GPR137C: variants seen among roughly 807,000 people sequenced by gnomAD.
The protein encoded by GPR137C is integral membrane protein GPR137C.
In GPR137C, 27 loss-of-function variants were observed where a neutral mutation model predicts 43.4. The observed-to-expected ratio is 0.62, with a 90% CI of 0.46 to 0.86. The LOEUF is 0.86. Among genes scored for constraint, GPR137C ranks in the 40% least tolerant of loss-of-function variants. The probability of loss-of-function intolerance (pLI) is 0.00; values close to 1 mark genes in which losing one functional copy is unlikely to be tolerated. For missense variants in GPR137C, 522 were observed against 534.6 expected, an observed-to-expected ratio of 0.98 and a Z score of 0.23; for synonymous variants, 285 against 226.9, an observed-to-expected ratio of 1.26 and a Z score of -2.30.
At chr14:52,591,150 A>G (rs1256591783) in intron 1 of GPR137C, among the ~76,000 whole-genome samples, 1 of 152,194 alleles carries the variant, frequency 6.6e-6, no homozygotes, top group Non-Finnish European at 1.5e-5. Flanking sequence ...GTCCCTGCAA[A>G]GGACAGGAAC....
chr14:52,595,154 T>C (rs1370570590), intron 1 of GPR137C, among the ~76,000 whole-genome samples: 2 of 152,178 alleles, frequency 1.3e-5, no homozygotes, highest in African/African-American at 4.8e-5. Context: ...ACCCCACTCT[T>C]TTCTGGTTTG....
intron 1 of GPR137C, among the ~76,000 whole-genome samples, chr14:52,571,679 A>T (rs1010304597): frequency 6.6e-6 from 1 of 152,036 alleles, no homozygotes; most frequent in East Asian, 1.9e-4. Context: ...AAAAATATTA[A>T]TAACAAAAGA....
intron 1 of GPR137C, among the ~76,000 whole-genome samples, chr14:52,593,327 G>A (rs759897425): frequency 6.6e-6 from 1 of 151,886 alleles, no homozygotes; most frequent in Non-Finnish European, 1.5e-5. Flanking sequence ...CCTTTGTGTC[G>A]GGATGATGCT....
At position 52,600,333 on chromosome 14, in the gene GPR137C, G is replaced by T; in HGVS notation, c.709G>T (p.Glu237Ter). Residue 237 changes from glutamate (E) to a stop codon, truncating the protein, a stop_gained, in exon 3 of 7, where the codon GAA (glutamate) becomes TAA (stop). Coordinates refer to ENST00000321662, the MANE Select transcript of GPR137C (RefSeq NM_001099652.2). LOFTEE classifies it high-confidence loss of function. ...AATGTCATCAGCTAATGTCTACCTCGAATCAAAGGTAAGAATATTTCTTAA... is the reference window on the plus strand; with the variant it reads ...AATGTCATCAGCTAATGTCTACCTCTAATCAAAGGTAAGAATATTTCTTAA... ...TKMSSANVYL[E>*]SKGMSLCQTV... The T allele has an allele frequency of 6.4e-7, 1 of 1,553,408 alleles. No individual in the cohort carries two copies. Among genetic ancestry groups the T allele is most frequent in the South Asian group, 1.1e-5 (1 of 88,858 alleles).
chr14:52,628,398 G>A (rs1219493883), intron 3 of GPR137C, among the ~76,000 whole-genome samples: 1 of 152,118 alleles, frequency 6.6e-6, no homozygotes, highest in Non-Finnish European at 1.5e-5. Flanking sequence ...CAAGTGAAAA[G>A]CTTCCAAAAG....
At chr14:52,584,504 T>C (rs1362092611) in intron 1 of GPR137C, among the ~76,000 whole-genome samples, 1 of 152,212 alleles carries the variant, frequency 6.6e-6, no homozygotes. Context: ...TGCATGTTTG[T>C]GGTCTTCAGA....
At chr14:52,587,320 TAACCTAACAATATAAA>T in intron 1 of GPR137C, among the ~76,000 whole-genome samples, 1 of 152,286 alleles carries the variant, frequency 6.6e-6, no homozygotes, top group African/African-American at 2.4e-5. Context: ...CTGAGACACT[TAACCTAACAATATAAA>T]GAATGACATT....
In GPR137C at chr14:52,603,531, T is replaced by C. The variant is rs540463699; in HGVS notation, c.717+3190T>C. 2.6e-5 allele frequency among the ~76,000 whole-genome samples: 4 copies of C among 152,224 alleles called. No homozygotes were observed. The East Asian group carries it at 5.8e-4, about 22-fold the overall frequency. ...TTCAAGGAACTTCCATACTGCTTTT[T>C]GGGGTTGTTTGTTTGTTTTTGAGAT... On this transcript the variant is annotated intron_variant, in intron 3 of 6. Transcript: ENST00000321662.
At chr14:52,604,999 C>T (rs528130726) in intron 3 of GPR137C, among the ~76,000 whole-genome samples, 34 of 152,112 alleles carry the variant, frequency 2.2e-4, no homozygotes, top group Non-Finnish European at 3.5e-4. Flanking sequence ...TGTGATGCCT[C>T]CAACTTCATT....
At chr14:52,574,728 G>C (rs2038525461) in intron 1 of GPR137C, among the ~76,000 whole-genome samples, 1 of 152,010 alleles carries the variant, frequency 6.6e-6, no homozygotes, top group Non-Finnish European at 1.5e-5. Flanking sequence ...AAAAAATCCA[G>C]ATTAAAGCAA....
At chr14:52,572,711 C>T (rs1049792292) in intron 1 of GPR137C, among the ~76,000 whole-genome samples, 1 of 152,136 alleles carries the variant, frequency 6.6e-6, no homozygotes, top group Non-Finnish European at 1.5e-5. Flanking sequence ...CTTTCTCTCC[C>T]CTCCTATTCA....
At chr14:52,628,250 A>G (rs1204587028) in intron 3 of GPR137C, among the ~76,000 whole-genome samples, 2 of 152,338 alleles carry the variant, frequency 1.3e-5, no homozygotes, top group Admixed American at 6.5e-5. Flanking sequence ...AAGCAATCCA[A>G]TACCACAAGG....
At chr14:52,611,787 C>A in intron 3 of GPR137C, 1 of 431,902 alleles carries the variant, frequency 2.3e-6, no homozygotes, top group Non-Finnish European at 3.1e-6. Context: ...ACCTCTCTGT[C>A]CACCTTTAAA....
At position 52,553,300 on chromosome 14, in the gene GPR137C, C is replaced by G; in HGVS notation, c.153C>G (p.Val51=). Residue 51 remains valine, a synonymous_variant, in exon 1 of 7, where the codon GTC becomes GTG. Transcript: ENST00000321662. ...GCTCCGTGCAGTTGGCGCTGAGCGTCCTGCACGCCCTGCTCTACGCCGCGC... is the reference window on the plus strand; with the variant it reads ...GCTCCGTGCAGTTGGCGCTGAGCGTGCTGCACGCCCTGCTCTACGCCGCGC... ...VPGSVQLALS[V]LHALLYAALF... 6.4e-7 allele frequency: 1 copy of G among 1,551,182 alleles called. No individual in the cohort carries two copies. The highest frequency in any genetic ancestry group is 8.7e-7 in the Non-Finnish European group (1 of 1,154,624).
rs138575712 is a variant in GPR137C, at chr14:52,599,373, A to G, written c.489-740A>G. Among the ~76,000 whole-genome samples, 138 of 152,136 alleles carry G rather than the reference A, an allele frequency of 9.1e-4. 1 individual carries two copies. The highest frequency in any genetic ancestry group is 3.0e-3 in the African/African-American group (126 of 41,532). On this transcript the variant is annotated intron_variant, in intron 2 of 6. Coordinates refer to ENST00000321662, the MANE Select transcript of GPR137C (RefSeq NM_001099652.2). The stretch of plus-strand genomic sequence containing the variant: ...AAGTTTGAAAGCATTTTTTGCTACA[A>G]TCAGAAGTTCATAAGGAATATTGTT...
At chr14:52,630,410 T>C (rs2039281041) in intron 3 of GPR137C, among the ~76,000 whole-genome samples, 1 of 152,148 alleles carries the variant, frequency 6.6e-6, no homozygotes, top group Non-Finnish European at 1.5e-5. Flanking sequence ...AATAATACAT[T>C]ACTTCTAAAA....
intron 3 of GPR137C, among the ~76,000 whole-genome samples, chr14:52,604,191 T>G (rs763259024): frequency 6.6e-6 from 1 of 152,198 alleles, no homozygotes; most frequent in Non-Finnish European, 1.5e-5. Flanking sequence ...TTGTAAATAT[T>G]TACTCCCATT....
intron 3 of GPR137C, among the ~76,000 whole-genome samples, chr14:52,625,219 C>T (rs532330767): frequency 3.9e-5 from 6 of 152,110 alleles, no homozygotes; most frequent in Admixed American, 2.0e-4. Context: ...CACGGTGGCT[C>T]ACACCTGTAA....
intron 3 of GPR137C, among the ~76,000 whole-genome samples, chr14:52,624,723 C>CAAA (rs34539882): frequency 9.0e-5 from 12 of 133,138 alleles, no homozygotes; most frequent in Non-Finnish European, 1.1e-4. Flanking sequence ...TATGCTGTCT[C>CAAA]AAAAAAAAAA....
Sources: gnomAD v4.1 joint callset for allele counts (sites outside exome capture counted in the v4.1 genomes callset) on GRCh38, gnomAD v4.1.1 for gene constraint, MANE v1.5 for transcripts, NCBI Gene and HGNC (gene_info 2026-07-23, HGNC 2026-07-21) for gene names.